Variants in IL10RB observed in about 807,000 individuals in gnomAD.
IL10RB encodes the protein interleukin-10 receptor subunit beta.
A neutral mutation model predicts 38.7 loss-of-function variants in IL10RB; 30 were observed. The observed-to-expected ratio is 0.78, with a 90% CI of 0.58 to 1.05. The LOEUF is 1.05. Ranked by LOEUF, IL10RB falls within the 50% of genes least tolerant of loss-of-function variation. IL10RB has a pLI of 0.00. For missense variants in IL10RB, 328 were observed against 397.1 expected, an observed-to-expected ratio of 0.83 and a Z score of 1.48; for synonymous variants, 142 against 145.9, an observed-to-expected ratio of 0.97 and a Z score of 0.19.
chr21:33,283,528 A>T (rs1254247158), intron 5 of IL10RB, among the ~76,000 whole-genome samples: 2 of 152,110 alleles, frequency 1.3e-5, no homozygotes, highest in African/African-American at 4.8e-5. Flanking sequence ...CTACCATCCC[A>T]GGCTCCCTAA....
intron 3 of IL10RB, among the ~76,000 whole-genome samples, chr21:33,279,119 G>A (rs1387755009): frequency 6.6e-6 from 1 of 152,182 alleles, no homozygotes; most frequent in Non-Finnish European, 1.5e-5. Flanking sequence ...GAAGACTGAA[G>A]CAAGGCAATA....
chr21:33,280,274 A>T (rs1448497446), intron 4 of IL10RB, among the ~76,000 whole-genome samples: 1 of 152,150 alleles, frequency 6.6e-6, no homozygotes, highest in Non-Finnish European at 1.5e-5. Context: ...ACACACCGCA[A>T]ATCAGGGACG....
At chr21:33,268,196 C>T in intron 1 of IL10RB, 198 bp from the exon 2 acceptor site, 1 of 1,473,526 alleles carries the variant, frequency 6.8e-7, no homozygotes, top group Non-Finnish European at 9.0e-7. Context: ...TACTCCTGCC[C>T]CTCCAGAAAT....
At chr21:33,302,760 G>T (rs116809470) in intron 1 of IL10RB, among the ~76,000 whole-genome samples, 1,734 of 152,238 alleles carry the variant, frequency 0.011, 31 homozygotes, top group African/African-American at 0.04. Flanking sequence ...GTCGAGGGGG[G>T]GATATTTCAG....
chr21:33,287,395 G>A (rs369851882), intron 5 of IL10RB, among the ~76,000 whole-genome samples: 4 of 151,528 alleles, frequency 2.6e-5, no homozygotes, highest in South Asian at 2.1e-4. Flanking sequence ...TCACTCTGTC[G>A]CCCAGTTTGG....
rs188704872 is a variant in IL10RB at position 33,304,502 on chromosome 21, G to A, written c.130-4474G>A. On this transcript the variant is annotated intron_variant, in intron 1 of 1. Coordinates refer to the IL10RB transcript ENST00000609556. The stretch of plus-strand genomic sequence containing the variant: ...ACACCGTCCCTCAAGGTGCAATCGT[G>A]GTTTCTTTTTCTTCTGGTTCTTTCT... Among the ~76,000 whole-genome samples, 5 of 152,258 alleles carry A rather than the reference G, an allele frequency of 3.3e-5. No individual in the cohort carries two copies. The East Asian group carries it at 5.8e-4, about 18-fold the overall frequency.
intron 2 of IL10RB, among the ~76,000 whole-genome samples, chr21:33,273,536 T>C (rs760186208): frequency 4.1e-4 from 63 of 152,314 alleles, no homozygotes; most frequent in Non-Finnish European, 7.4e-4. Context: ...ATCAGGGTAG[T>C]GGTTGCTGAG....
At chr21:33,292,880 C>T (rs1427877466) in intron 6 of IL10RB, among the ~76,000 whole-genome samples, 1 of 152,176 alleles carries the variant, frequency 6.6e-6, no homozygotes, top group Non-Finnish European at 1.5e-5. Context: ...GCAGGCTGCA[C>T]GGCCCATACC....
At chr21:33,304,986 A>G (rs565882235) in intron 1 of IL10RB, among the ~76,000 whole-genome samples, 1 of 152,332 alleles carries the variant, frequency 6.6e-6, no homozygotes, top group Non-Finnish European at 1.5e-5. Context: ...AATAACCTCC[A>G]CAGTTCCTTA....
At chr21:33,295,725 TA>T (rs1382183598) in intron 6 of IL10RB, among the ~76,000 whole-genome samples, 2 of 145,540 alleles carry the variant, frequency 1.4e-5, no homozygotes, top group African/African-American at 5.1e-5. Context: ...TCCCCACTTG[TA>T]AAAAAATAAA....
At position 33,296,348 on chromosome 21, in the gene IL10RB, C is replaced by T; in HGVS notation, c.969C>T (p.Pro323=). The T allele has an allele frequency of 6.2e-7, 1 of 1,613,444 alleles. No homozygotes were observed. Residue 323 remains proline (P), a synonymous_variant, in exon 7 of 7, where the codon CCC becomes CCT. Coordinates refer to ENST00000290200, the MANE Select transcript of IL10RB (RefSeq NM_000628.5). ...CSLGTPPGQG[P]QS ...TCGGGACCCCGCCTGGGCAGGGGCC[C>T]CAAAGCTAGGCTCTGAGAAGGAAAC...
chr21:33,271,152 A>G (rs756684428), intron 2 of IL10RB, among the ~76,000 whole-genome samples: 1 of 152,152 alleles, frequency 6.6e-6, no homozygotes, highest in Non-Finnish European at 1.5e-5. Flanking sequence ...AAAACAAAAT[A>G]TGTGCTGGCC....
At chr21:33,268,590 C>G in intron 2 of IL10RB, 73 bp downstream of exon 2, 1 of 1,066,168 alleles carries the variant, frequency 9.4e-7, no homozygotes, top group South Asian at 1.3e-5. Flanking sequence ...GGTTGGGCCA[C>G]AGGAGGAAGG....
chr21:33,303,299 T>C (rs551212900), intron 1 of IL10RB, among the ~76,000 whole-genome samples: 1 of 151,606 alleles, frequency 6.6e-6, no homozygotes, highest in African/African-American at 2.4e-5. Flanking sequence ...GAGGGTGGAA[T>C]CCTCTTGCTT....
At chr21:33,305,454 G>A (rs2082996752) in intron 1 of IL10RB, among the ~76,000 whole-genome samples, 2 of 152,144 alleles carry the variant, frequency 1.3e-5, no homozygotes, top group East Asian at 1.9e-4. Flanking sequence ...GTAAGCAAAG[G>A]TCACTCTCAC....
chr21:33,283,066 A>C, intron 4 of IL10RB, 28 bp from the exon 5 acceptor site: 1 of 1,594,200 alleles, frequency 6.3e-7, no homozygotes, highest in Admixed American at 1.7e-5. Context: ...CTGCTTAGTC[A>C]TGTTCTTATT....
downstream of IL10RB, among the ~76,000 whole-genome samples, chr21:33,301,272 C>T (rs2082985237): frequency 6.6e-6 from 1 of 152,196 alleles, no homozygotes; most frequent in African/African-American, 2.4e-5. Context: ...GAGTCAGGTC[C>T]ATGGTTCTGT....
At chr21:33,291,814 GGCTCA>G (rs1989493514) in intron 6 of IL10RB, among the ~76,000 whole-genome samples, 1 of 152,180 alleles carries the variant, frequency 6.6e-6, no homozygotes, top group Non-Finnish European at 1.5e-5. Context: ...TCATATCAGG[GGCTCA>G]GCATTGATCT....
At chr21:33,289,285 T>C (rs1012570865) in intron 6 of IL10RB, among the ~76,000 whole-genome samples, 1 of 152,188 alleles carries the variant, frequency 6.6e-6, no homozygotes, top group African/African-American at 2.4e-5. Context: ...CTGGGACCAC[T>C]TGGATCTACT....
Sources: gnomAD v4.1 joint callset for allele counts (sites outside exome capture counted in the v4.1 genomes callset) on GRCh38, gnomAD v4.1.1 for gene constraint, MANE v1.5 for transcripts, NCBI Gene and HGNC (gene_info 2026-07-23, HGNC 2026-07-21) for gene names.